Variants in PABPC4 observed in about 807,000 individuals in gnomAD.
PABPC4 encodes polyadenylate-binding protein 4.
PABPC4 carries 15 observed loss-of-function variants against 74.5 expected under a neutral mutation model. That is an observed-to-expected ratio of 0.20 (90% confidence interval 0.13 to 0.31). PABPC4 has a LOEUF of 0.31. PABPC4 is among the 10% of genes least tolerant of loss of function. PABPC4 has a pLI of 1.00. For missense variants in PABPC4, 610 were observed against 853.5 expected, an observed-to-expected ratio of 0.71 and a Z score of 3.55; for synonymous variants, 345 against 303.0, an observed-to-expected ratio of 1.14 and a Z score of -1.44.
At chr1:39,562,268 T>C in intron 13 of PABPC4, 55 bp downstream of exon 13, 1 of 1,606,548 alleles carries the variant, frequency 6.2e-7, no homozygotes, top group Non-Finnish European at 8.5e-7. Context: ...ACTGGTGTCC[T>C]AGCTGGCATC....
At chr1:39,571,681 T>C (rs1263790253) in intron 2 of PABPC4, 1 of 489,600 alleles carries the variant, frequency 2.0e-6, no homozygotes, top group Non-Finnish European at 4.0e-6. Context: ...TGGAGCCAGA[T>C]CGTTGGACAA....
rs1200172740 is a variant in PABPC4, at chr1:39,565,208, C to A, written c.1143G>T (p.Gln381His). ...KEERKAHLTN[Q>H]YMQRVAGMRA... ...TCATTCCAGCCACTCGTTGCATATA[C>A]TGGTTGGTCAGGTGAGCCTTTCTCT... is the stretch of plus-strand genomic sequence containing the variant. Residue 381 changes from glutamine to histidine, a missense_variant, in exon 8 of 16, where the codon CAG (glutamine) becomes CAT (histidine). Physicochemically the swap from Gln to His is conservative, Grantham distance 24. This residue lies in a region of PABPC4 where 277 missense variants were observed against 301.8 expected (regional missense o/e 0.92). Transcript: ENST00000372858. 2 of 1,614,118 alleles carry A rather than the reference C, an allele frequency of 1.2e-6. No homozygotes were observed. Among genetic ancestry groups the A allele is most frequent in the Non-Finnish European group, 1.7e-6 (2 of 1,180,046 alleles).
chr1:39,572,041 A>C (rs773101296), intron 2 of PABPC4, among the ~76,000 whole-genome samples: 11 of 152,266 alleles, frequency 7.2e-5, no homozygotes, highest in Non-Finnish European at 1.3e-4. Flanking sequence ...ACAGATACGT[A>C]GAAGGAATAG....
At chr1:39,570,800 T>G (rs2124462276) in intron 3 of PABPC4, among the ~76,000 whole-genome samples, 1 of 152,308 alleles carries the variant, frequency 6.6e-6, no homozygotes, top group East Asian at 1.9e-4. Flanking sequence ...GCGGGGACAA[T>G]TTGGCATCAA....
At chr1:39,575,528 A>G (rs1412402614) in intron 1 of PABPC4, among the ~76,000 whole-genome samples, 5 of 152,184 alleles carry the variant, frequency 3.3e-5, no homozygotes, top group Non-Finnish European at 1.5e-5. Flanking sequence ...CCCCACTACC[A>G]GCAACACTAA....
intron 14 of PABPC4, 27 bp from the exon 15 acceptor site, chr1:39,561,814 G>C (rs940501597): frequency 1.6e-5 from 26 of 1,586,158 alleles, no homozygotes; most frequent in East Asian, 2.2e-5. Context: ...GGTGGTCAGT[G>C]AATCTAGGAG....
rs977878156 is a variant in PABPC4 at position 39,571,337 on chromosome 1, C to T, written c.400G>A (p.Glu134Lys). The T allele has an allele frequency of 2.5e-6, 4 of 1,614,042 alleles. No individual in the cohort carries two copies. Among genetic ancestry groups the T allele is most frequent in the Non-Finnish European group, 1.7e-6 (2 of 1,180,044 alleles). ...AAGGCATAACCCTTAGAGCCGTTCTCATCACACACCACCTGTCAAAGACAA... is the reference window on the plus strand; with the variant it reads ...AAGGCATAACCCTTAGAGCCGTTCTTATCACACACCACCTGTCAAAGACAA... The part of the protein sequence containing the change: ...NILSCKVVCD[E>K]NGSKGYAFVH... The change falls in exon 3 of 16, where the codon GAG (glutamate) becomes AAG (lysine). Residue 134 changes from glutamate (E) to lysine (K), a missense_variant. Around this residue, in one of 4 missense-constraint regions of PABPC4, gnomAD observed 304 missense variants for 478.9 expected, o/e 0.63. Transcript: ENST00000372858.
chr1:39,561,727 C>A lies in PABPC4; in HGVS notation c.1954G>T (p.Val652Leu). ...HHAKKEAAQK[V>L]GAVAAATS is the part of the protein sequence containing the mutation. ...GAGGTAGCAGCAGCAACAGCGCCCACCTTCTGGGCAGCTTCTTTCTTGGCA... is the reference window on the plus strand; with the variant it reads ...GAGGTAGCAGCAGCAACAGCGCCCAACTTCTGGGCAGCTTCTTTCTTGGCA... The change falls in exon 15 of 16, where the codon GTG becomes TTG. Residue 652 changes from valine (V) to leucine (L), a missense_variant. Val to Leu is a conservative substitution (Grantham distance 32). Around this residue, in one of 4 missense-constraint regions of PABPC4, gnomAD observed 29 missense variants for 51.6 expected, o/e 0.56. Transcript: ENST00000372858. 1 of 1,613,738 alleles carries A rather than the reference C, an allele frequency of 6.2e-7. No individual in the cohort carries two copies. The highest frequency in any genetic ancestry group is 8.5e-7 in the Non-Finnish European group (1 of 1,179,892).
In PABPC4 at chr1:39,564,725, T is replaced by C. The variant is rs1172781986; in HGVS notation, c.1294A>G (p.Arg432Gly). 1 of 1,614,178 alleles carries C rather than the reference T, an allele frequency of 6.2e-7. No individual in the cohort carries two copies. Among genetic ancestry groups the C allele is most frequent in the South Asian group, 1.1e-5 (1 of 91,080 alleles). The stretch of plus-strand genomic sequence containing the variant: ...CCTTGCTGCCAGCGTGGATTAGGCC[T>C]CATCTGTGCTAACTGGTTAGGTGTA... ...YYTPNQLAQM[R>G]PNPRWQQGGR... The change falls in exon 9 of 16, where the codon AGG (arginine) becomes GGG (glycine). Residue 432 changes from arginine to glycine, a missense_variant. This residue lies in a region of PABPC4 where 277 missense variants were observed against 301.8 expected (regional missense o/e 0.92). Coordinates refer to ENST00000372858, the MANE Select transcript of PABPC4 (RefSeq NM_001135653.2).
intron 12 of PABPC4, chr1:39,563,306 C>A: frequency 6.3e-6 from 2 of 317,352 alleles, no homozygotes; most frequent in Non-Finnish European, 1.2e-5. Flanking sequence ...TCCAATAGGT[C>A]ATTGGATGCG....
intron 7 of PABPC4, 148 bp downstream of exon 7, chr1:39,567,603 A>C (rs1645868477): frequency 4.3e-6 from 3 of 699,840 alleles, no homozygotes; most frequent in Non-Finnish European, 7.9e-6. Flanking sequence ...GTCATTCTCC[A>C]GAATGCATCC....
At chr1:39,568,651 G>T in intron 6 of PABPC4, 151 bp downstream of exon 6, 1 of 676,142 alleles carries the variant, frequency 1.5e-6, no homozygotes, top group African/African-American at 1.8e-5. Flanking sequence ...ATATGTAGTA[G>T]GTATATATCC....
In PABPC4 at chr1:39,562,213, G is replaced by A. The variant is rs769601633; in HGVS notation, c.1763-10C>T. Reference sequence around the variant, plus strand: ...GGGAACAAGCGTTCTCCTATGGGGAGGATAGTTAATAAAAAAACAAATCAA... The same window carrying A: ...GGGAACAAGCGTTCTCCTATGGGGAAGATAGTTAATAAAAAAACAAATCAA... On this transcript the variant is annotated splice_polypyrimidine_tract_variant and intron_variant, in intron 13 of 15. Transcript: ENST00000372858. 3.7e-6 allele frequency: 6 copies of A among 1,613,878 alleles called. No individual in the cohort carries two copies. The African/African-American group carries it at 8.0e-5, about 22-fold the overall frequency.
chr1:39,574,372 G>A (rs1330981257), intron 1 of PABPC4, among the ~76,000 whole-genome samples: 1 of 152,216 alleles, frequency 6.6e-6, no homozygotes, highest in Admixed American at 6.5e-5. Context: ...ACTGCACAAG[G>A]CAAGCCGGCT....
chr1:39,561,642 G>A, intron 15 of PABPC4, 43 bp downstream of exon 15: 2 of 1,364,102 alleles, frequency 1.5e-6, no homozygotes. Flanking sequence ...ATGCTCATAG[G>A]AACAATGCTC....
chr1:39,564,142 C>T (rs1310687150), intron 10 of PABPC4: 1 of 612,820 alleles, frequency 1.6e-6, no homozygotes, highest in Non-Finnish European at 2.9e-6. Flanking sequence ...CTCACCCCAC[C>T]CAAAAGAACA....
Position 39,576,089 on chromosome 1 carries a change from T to TCGGCGGGCTTGGAGA in PABPC4, c.-153_-139dup. Reference sequence around the variant, plus strand: ...CCGGCGCGGCGAGGACGAGCTGGAGTCGGCGGGCTTGGAGACGGGACGGAA... The same window carrying TCGGCGGGCTTGGAGA: ...CCGGCGCGGCGAGGACGAGCTGGAGTCGGCGGGCTTGGAGACGGCGGGCTTGGAGACGGGACGGAA... On this transcript the variant is annotated 5_prime_UTR_variant, in exon 1 of 16. Coordinates refer to ENST00000372858, the MANE Select transcript of PABPC4 (RefSeq NM_001135653.2). 1.7e-6 allele frequency: 1 copy of TCGGCGGGCTTGGAGA among 577,926 alleles called. No homozygotes were observed. Among genetic ancestry groups the TCGGCGGGCTTGGAGA allele is most frequent in the Non-Finnish European group, 2.9e-6 (1 of 346,052 alleles). The allele number at this position is 577,926 out of a possible 1,614,324, so 35.8% of individuals were successfully genotyped here. A position where few individuals can be genotyped will look rare whatever the true frequency, so the allele number is the denominator to read the frequency against.
intron 2 of PABPC4, chr1:39,571,716 G>GA (rs907393056): frequency 1.6e-5 from 7 of 427,078 alleles, no homozygotes; most frequent in Non-Finnish European, 2.8e-5. Context: ...CTACAAAAAA[G>GA]AAAAAAATTA....
At chr1:39,567,640 G>T in intron 7 of PABPC4, 111 bp downstream of exon 7, 1 of 719,360 alleles carries the variant, frequency 1.4e-6, no homozygotes. Context: ...AAACGTAGTA[G>T]CTACTTTCAG....
Sources: allele counts gnomAD v4.1 joint callset (sites outside exome capture counted in the v4.1 genomes callset), GRCh38; gene constraint gnomAD v4.1.1; regional missense constraint gnomAD v4.1.1; transcripts MANE v1.5; gene names NCBI Gene and HGNC (gene_info 2026-07-23, HGNC 2026-07-21).